Variants in ANK2 observed in about 807,000 individuals in gnomAD.
ANK2 encodes the protein ankyrin-2.
Under a neutral mutation model 360.5 loss-of-function variants are expected in ANK2, and 83 were observed. That is an observed-to-expected ratio of 0.23 (90% CI 0.19 to 0.28). The LOEUF (loss-of-function observed/expected upper bound fraction) is 0.28, where lower values mean the gene tolerates loss of function less well. Among genes scored for constraint, ANK2 ranks in the 10% least tolerant of loss-of-function variants. ANK2 has a pLI of 1.00. For missense variants in ANK2, 4,201 were observed against 4,795.7 expected (o/e 0.88, Z 3.66); for synonymous variants, 1,740 against 1,759.5 (o/e 0.99, Z 0.28).
In ANK2 at chr4:113,336,137, C is replaced by T. The variant is rs2093497724; in HGVS notation, c.3591+80C>T. 5 of 1,442,368 alleles carry T rather than the reference C, an allele frequency of 3.5e-6. No individual in the cohort carries two copies. The South Asian group carries it at 4.7e-5, about 14-fold the overall frequency. 89.3% of individuals were successfully genotyped at this position (1,442,368 alleles called of 1,614,324 possible). On this transcript the variant is annotated intron_variant, in intron 30 of 45. Transcript: ENST00000357077. ...AAATTAGCTTTGTCAAGGACTGTTACCTTTGTTTTATAATCACACCAAAAA... is the reference window on the plus strand; with the variant it reads ...AAATTAGCTTTGTCAAGGACTGTTATCTTTGTTTTATAATCACACCAAAAA...
intron 2 of ANK2, among the ~76,000 whole-genome samples, chr4:113,003,164 C>T (rs1277749993): frequency 1.3e-5 from 2 of 152,116 alleles, no homozygotes; most frequent in Non-Finnish European, 2.9e-5. Flanking sequence ...CCAATTGCAA[C>T]AGCAATAGAA....
the ANK2 span, among the ~76,000 whole-genome samples, chr4:112,717,956 C>T: frequency 6.6e-6 from 1 of 152,210 alleles, no homozygotes; most frequent in African/African-American, 2.4e-5. Context: ...TTTCATCTGA[C>T]AGTACAAAAT....
chr4:112,806,780 G>T, the ANK2 span, among the ~76,000 whole-genome samples: 3 of 152,124 alleles, frequency 2.0e-5, no homozygotes, highest in African/African-American at 4.8e-5. Flanking sequence ...GCAGTGAGCC[G>T]TGATGACGCC....
At chr4:113,140,394 A>C (rs2096594256) in intron 1 of ANK2, among the ~76,000 whole-genome samples, 1 of 152,238 alleles carries the variant, frequency 6.6e-6, no homozygotes, top group Non-Finnish European at 1.5e-5. Flanking sequence ...CAGATTTCTA[A>C]ATTCAGCAAA....
intron 2 of ANK2, among the ~76,000 whole-genome samples, chr4:112,949,373 G>T (rs1431617510): frequency 6.6e-6 from 1 of 152,030 alleles, no homozygotes; most frequent in Admixed American, 6.6e-5. Context: ...TCTAATATGG[G>T]ATAGGTGTTT....
chr4:113,323,698 C>A (rs2087824281), intron 26 of ANK2: 9 of 1,508,066 alleles, frequency 6.0e-6, no homozygotes, highest in Middle Eastern at 1.7e-4. Context: ...CTTCTGAGTT[C>A]CTTCCTTATA....
chr4:113,212,132 A>T (rs1417507460), intron 4 of ANK2, among the ~76,000 whole-genome samples: 1 of 152,198 alleles, frequency 6.6e-6, no homozygotes, highest in Non-Finnish European at 1.5e-5. Flanking sequence ...GAGTTTAGGT[A>T]ACTGCCTATG....
At chr4:113,191,237 G>C (rs1228545002) in intron 2 of ANK2, among the ~76,000 whole-genome samples, 1 of 152,116 alleles carries the variant, frequency 6.6e-6, no homozygotes, top group Non-Finnish European at 1.5e-5. Flanking sequence ...CAACTACTCG[G>C]GAGACGGAGG....
intron 22 of ANK2, among the ~76,000 whole-genome samples, chr4:113,300,182 G>A (rs1284337463): frequency 6.6e-6 from 1 of 152,030 alleles, no homozygotes; most frequent in East Asian, 1.9e-4. Context: ...TTTTCCTGCA[G>A]CATTTAGTTT....
chr4:113,163,764 C>CAAA (rs1158530849), intron 1 of ANK2, among the ~76,000 whole-genome samples: 48 of 55,040 alleles, frequency 8.7e-4, no homozygotes, highest in South Asian at 1.5e-3. Context: ...AACTTCGTCT[C>CAAA]AAAAAAAAAA....
chr4:113,080,639 T>C (rs2171059), intron 1 of ANK2, among the ~76,000 whole-genome samples: 59,817 of 152,004 alleles, frequency 0.39, 12,947 homozygotes, highest in African/African-American at 0.58. Context: ...AAATATAATG[T>C]TTGAATATAT....
chr4:112,992,945 T>C (rs1255242047), intron 2 of ANK2, among the ~76,000 whole-genome samples: 3 of 152,194 alleles, frequency 2.0e-5, no homozygotes, highest in Non-Finnish European at 2.9e-5. Flanking sequence ...AAAGTTTGAA[T>C]TAGTTGGCCC....
intron 2 of ANK2, among the ~76,000 whole-genome samples, chr4:112,964,797 A>C (rs2036536838): frequency 6.6e-6 from 1 of 151,854 alleles, no homozygotes; most frequent in African/African-American, 2.4e-5. Context: ...TCTCGATCTC[A>C]TGACCTCGTG....
intron 1 of ANK2, among the ~76,000 whole-genome samples, chr4:112,867,656 A>G (rs1580092195): frequency 6.9e-6 from 1 of 145,334 alleles, no homozygotes; most frequent in South Asian, 2.1e-4. Flanking sequence ...CATACAATAC[A>G]TGGCCTTTTA....
intron 1 of ANK2, among the ~76,000 whole-genome samples, chr4:112,834,309 A>G (rs2060521025): frequency 6.6e-6 from 1 of 152,200 alleles, no homozygotes; most frequent in Admixed American, 6.5e-5. Flanking sequence ...TGAAATATTT[A>G]TGACTGAAAT....
At position 113,369,609 on chromosome 4, in the gene ANK2, C is replaced by A. The variant is rs751853731; in HGVS notation, c.11414C>A (p.Ala3805Glu). ...SKTPEEVSTP[A>E]EEEKLYLQTP... ...ACACCTGAGGAAGTTAGCACCCCTG[C>A]AGAGGAGGAGAAGCTGTACCTCCAG... The change falls in exon 43 of 46, where the codon GCA (alanine) becomes GAA (glutamate). Residue 3805 changes from alanine (A) to glutamate (E), a missense_variant. Coordinates refer to ENST00000357077, the MANE Select transcript of ANK2 (RefSeq NM_001148.6). 1 of 1,614,166 alleles carries A rather than the reference C, an allele frequency of 6.2e-7. No homozygotes were observed. The highest frequency in any genetic ancestry group is 1.7e-5 in the Admixed American group (1 of 60,020).
chr4:112,772,378 C>T, the ANK2 span, among the ~76,000 whole-genome samples: 1 of 152,290 alleles, frequency 6.6e-6, no homozygotes, highest in South Asian at 2.1e-4. Context: ...CAATTATCTT[C>T]CACCAGGTCC....
At chr4:113,220,424 G>T (rs1355848680) in intron 4 of ANK2, among the ~76,000 whole-genome samples, 1 of 152,150 alleles carries the variant, frequency 6.6e-6, no homozygotes, top group Non-Finnish European at 1.5e-5. Flanking sequence ...ATCCTGGGTA[G>T]GCACCTACAA....
the ANK2 span, among the ~76,000 whole-genome samples, chr4:112,756,228 ACT>A: frequency 7.0e-6 from 1 of 143,820 alleles, no homozygotes; most frequent in Non-Finnish European, 1.5e-5. Flanking sequence ...ACAGAGTGAG[ACT>A]CTGTCTCAAA....
Sources: gnomAD v4.1 joint callset for allele counts (sites outside exome capture counted in the v4.1 genomes callset) on GRCh38, gnomAD v4.1.1 for gene constraint, MANE v1.5 for transcripts, NCBI Gene and HGNC (gene_info 2026-07-23, HGNC 2026-07-21) for gene names.